RASGEF1C: variants seen among roughly 807,000 people sequenced by gnomAD.
RASGEF1C encodes the protein RasGEF domain family member 1C.
Under a neutral mutation model 58.1 loss-of-function variants are expected in RASGEF1C, and 27 were observed. That is an observed-to-expected ratio of 0.46 (90% CI 0.34 to 0.64). The LOEUF (loss-of-function observed/expected upper bound fraction) is 0.64, where lower values mean the gene tolerates loss of function less well. Among genes scored for constraint, RASGEF1C ranks in the 30% least tolerant of loss-of-function variants. The pLI is 0.01. For synonymous variants in RASGEF1C, 243 were observed against 246.3 expected (o/e 0.99, Z 0.13); for missense variants, 502 against 605.1 (o/e 0.83, Z 1.79).
At chr5:180,135,866 G>A (rs1322914735) in intron 4 of RASGEF1C, among the ~76,000 whole-genome samples, 3 of 152,240 alleles carry the variant, frequency 2.0e-5, no homozygotes, top group Admixed American at 1.3e-4. Context: ...GAGGCAGAGA[G>A]GATCTCAGGA....
chr5:180,128,614 G>T lies in RASGEF1C; in HGVS notation c.439-4C>A. On this transcript the variant is annotated splice_region_variant and splice_polypyrimidine_tract_variant and intron_variant, in intron 4 of 13. Transcript: ENST00000361132. ...GATGCATCCTCTTCCGGTATGCCTG[G>T]TGGGTGGAAAGAAGGGCGCTCAGGA... 1.2e-6 allele frequency: 2 copies of T among 1,613,152 alleles called. No homozygotes were observed. The highest frequency in any genetic ancestry group is 4.5e-5 in the East Asian group (2 of 44,872).
chr5:180,149,860 C>T (rs2113290040), intron 1 of RASGEF1C, among the ~76,000 whole-genome samples: 1 of 152,276 alleles, frequency 6.6e-6, no homozygotes, highest in African/African-American at 2.4e-5. Flanking sequence ...CTGTGGGTCT[C>T]TTTGAGTTTA....
intron 1 of RASGEF1C, among the ~76,000 whole-genome samples, chr5:180,202,468 GA>G (rs1234301068): frequency 1.3e-5 from 2 of 151,496 alleles, no homozygotes; most frequent in Admixed American, 6.6e-5. Context: ...TAAAAATAAA[GA>G]AAAAAAATTC....
chr5:180,174,584 GCA>G (rs1479909727), intron 1 of RASGEF1C, among the ~76,000 whole-genome samples: 3 of 143,596 alleles, frequency 2.1e-5, no homozygotes, highest in Non-Finnish European at 4.6e-5. Flanking sequence ...CTGTGTGTGC[GCA>G]CGTGTGTGTG....
intron 4 of RASGEF1C, among the ~76,000 whole-genome samples, chr5:180,131,015 A>C (rs1582272006): frequency 2.7e-5 from 4 of 146,848 alleles, no homozygotes; most frequent in East Asian, 2.0e-4. Context: ...GGCCATCACC[A>C]CCCCTCTCTA....
intron 7 of RASGEF1C, among the ~76,000 whole-genome samples, chr5:180,119,761 C>T (rs888779009): frequency 6.6e-6 from 1 of 152,294 alleles, no homozygotes; most frequent in African/African-American, 2.4e-5. Flanking sequence ...GCTCCCACCC[C>T]ACTCTTCCCC....
chr5:180,201,990 A>G (rs1756403257), intron 1 of RASGEF1C, among the ~76,000 whole-genome samples: 1 of 152,238 alleles, frequency 6.6e-6, no homozygotes, highest in Non-Finnish European at 1.5e-5. Flanking sequence ...AAGACACACT[A>G]AAAATTCAGA....
chr5:180,127,671 G>T lies in RASGEF1C; in HGVS notation c.652C>A (p.His218Asn). 6.2e-7 allele frequency: 1 copy of T among 1,612,906 alleles called. No individual in the cohort carries two copies. The highest frequency in any genetic ancestry group is 8.5e-7 in the Non-Finnish European group (1 of 1,179,624). ...TGGACAAACTCCTCAGGCCCGATGTGCCGCAGCCGCTCCTGCAGGGAAGGG... is the reference window on the plus strand; with the variant it reads ...TGGACAAACTCCTCAGGCCCGATGTTCCGCAGCCGCTCCTGCAGGGAAGGG... Reference protein sequence around the residue: ...LTHVELERLRHIGPEEFVQAF... With the variant: ...LTHVELERLRNIGPEEFVQAF... Residue 218 changes from histidine (H) to asparagine (N), a missense_variant, in exon 6 of 14, where the codon CAC (histidine) becomes AAC (asparagine). His to Asn is a moderately conservative substitution (Grantham distance 68). Transcript: ENST00000361132.
At chr5:180,206,421 A>T (rs1756488316) in intron 1 of RASGEF1C, among the ~76,000 whole-genome samples, 2 of 152,220 alleles carry the variant, frequency 1.3e-5, no homozygotes, top group African/African-American at 2.4e-5. Context: ...TTTAAAATAC[A>T]CTGAAATACT....
intron 6 of RASGEF1C, among the ~76,000 whole-genome samples, chr5:180,126,604 C>A (rs1766267099): frequency 6.6e-6 from 1 of 152,146 alleles, no homozygotes; most frequent in Non-Finnish European, 1.5e-5. Context: ...TCTCTCAGTG[C>A]CTGGAGGGAT....
intron 1 of RASGEF1C, among the ~76,000 whole-genome samples, chr5:180,140,616 C>T (rs537257903): frequency 1.3e-5 from 2 of 152,192 alleles, no homozygotes; most frequent in Non-Finnish European, 1.5e-5. Context: ...TCCCTGCAGG[C>T]GTGCTGGTGC....
In RASGEF1C at chr5:180,182,406, C is replaced by T. The variant is rs141145194; in HGVS notation, c.-7+26622G>A. Among the ~76,000 whole-genome samples, 438 of 152,042 alleles carry T rather than the reference C, an allele frequency of 2.9e-3. 3 individuals are homozygous for T. Among genetic ancestry groups the T allele is most frequent in the African/African-American group, 0.01 (418 of 41,462 alleles). On this transcript the variant is annotated intron_variant, in intron 1 of 13. Transcript: ENST00000361132. ...GGCGCGGACCCAAACAGTGAGCAGC[C>T]GCAAGATTTATTGTGAAGACCAAAA... is the stretch of plus-strand genomic sequence containing the variant.
At chr5:180,174,618 CTGTGTG>C (rs71001081) in intron 1 of RASGEF1C, among the ~76,000 whole-genome samples, 10 of 12,662 alleles carry the variant, frequency 7.9e-4, no homozygotes, top group African/African-American at 1.8e-3. Context: ...ATGTGTGTGT[CTGTGTG>C]TGTGTGTGTG....
intron 1 of RASGEF1C, among the ~76,000 whole-genome samples, chr5:180,152,125 T>C (rs1447608015): frequency 2.4e-4 from 36 of 151,922 alleles, no homozygotes; most frequent in Non-Finnish European, 4.1e-4. Context: ...TTGGTGGGAC[T>C]GTAAACTAGT....
intron 1 of RASGEF1C, among the ~76,000 whole-genome samples, chr5:180,190,608 C>A (rs1302474966): frequency 6.7e-6 from 1 of 150,012 alleles, no homozygotes; most frequent in Non-Finnish European, 1.5e-5. Context: ...AGCAAGGCTG[C>A]AGTGAGCTGT....
At chr5:180,133,028 G>T (rs1189610199) in intron 4 of RASGEF1C, among the ~76,000 whole-genome samples, 1 of 151,466 alleles carries the variant, frequency 6.6e-6, no homozygotes, top group African/African-American at 2.4e-5. Flanking sequence ...TGTTGAGTCG[G>T]CCTCCTCTGT....
chr5:180,150,628 G>A (rs888984132), intron 1 of RASGEF1C, among the ~76,000 whole-genome samples: 85 of 152,102 alleles, frequency 5.6e-4, no homozygotes, highest in African/African-American at 1.9e-3. Context: ...TCAGGAGTTC[G>A]AGACCAGCCT....
chr5:180,182,221 AAAAAAAAAAAG>A (rs1245558362), intron 1 of RASGEF1C, among the ~76,000 whole-genome samples: 1 of 148,554 alleles, frequency 6.7e-6, no homozygotes, highest in Non-Finnish European at 1.5e-5. Context: ...AAAAAAAAAA[AAAAAAAAAAAG>A]AATGAAGCCA....
At chr5:180,161,374 G>A (rs1161554365) in intron 1 of RASGEF1C, among the ~76,000 whole-genome samples, 2 of 152,380 alleles carry the variant, frequency 1.3e-5, no homozygotes, top group African/African-American at 4.8e-5. Flanking sequence ...CCTGGAAAGC[G>A]GAGGTGGCAA....
Sources: gnomAD v4.1 joint callset for allele counts (sites outside exome capture counted in the v4.1 genomes callset) on GRCh38, gnomAD v4.1.1 for gene constraint, MANE v1.5 for transcripts, NCBI Gene and HGNC (gene_info 2026-07-23, HGNC 2026-07-21) for gene names.